The following ZBTB43 variants were observed in gnomAD, a reference collection of about 807,000 sequenced individuals.
ZBTB43 encodes the protein zinc finger and BTB domain containing 43, also known as zinc finger and BTB domain-containing protein 43.
Under a neutral mutation model 31.1 loss-of-function variants are expected in ZBTB43, and 6 were observed. That is an observed-to-expected ratio of 0.19 (90% CI 0.11 to 0.38). The LOEUF (loss-of-function observed/expected upper bound fraction) is 0.38, where lower values mean the gene tolerates loss of function less well. ZBTB43 is among the 10% of genes least tolerant of loss of function. The pLI, the probability that ZBTB43 is intolerant of heterozygous loss-of-function variation, is 1.00. For synonymous variants in ZBTB43, 212 were observed against 221.7 expected, an observed-to-expected ratio of 0.96 and a Z score of 0.39; for missense variants, 379 against 602.1, an observed-to-expected ratio of 0.63 and a Z score of 3.88.
chr9:126,808,121 C>T (rs765081375), intron 1 of ZBTB43, among the ~76,000 whole-genome samples: 7 of 152,134 alleles, frequency 4.6e-5, no homozygotes, highest in Non-Finnish European at 1.0e-4. Flanking sequence ...TTCTAATGCA[C>T]GTGAGGGTAC....
intron 2 of ZBTB43, among the ~76,000 whole-genome samples, chr9:126,826,979 A>T (rs1466121288): frequency 6.6e-6 from 1 of 151,962 alleles, no homozygotes; most frequent in Non-Finnish European, 1.5e-5. Context: ...GTGTGCTTTT[A>T]CTTTCTTGTT....
intron 2 of ZBTB43, among the ~76,000 whole-genome samples, chr9:126,809,779 A>T (rs1478751138): frequency 6.6e-6 from 1 of 152,156 alleles, no homozygotes; most frequent in Admixed American, 6.5e-5. Context: ...TTTGTTTTAG[A>T]ACTGTTGCTA....
At position 126,836,538 on chromosome 9, in the gene ZBTB43, T is replaced by C. The variant is rs186718813; in HGVS notation, c.*2625T>C. 2 of 167,146 alleles carry C rather than the reference T, an allele frequency of 1.2e-5. No homozygotes were observed. Among genetic ancestry groups the C allele is most frequent in the Admixed American group, 1.3e-4 (2 of 15,300 alleles). The allele number at this position is 167,146 out of a possible 1,614,324, so 10.4% of individuals were successfully genotyped here. On this transcript the variant is annotated 3_prime_UTR_variant, in exon 3 of 3. Coordinates refer to ENST00000373464, the MANE Select transcript of ZBTB43 (RefSeq NM_014007.4). ...GTTGCTTTCATTTGAATATTAAAAGTGAATTTTTGTAAACTCTGGTTTTTA... is the reference window on the plus strand; with the variant it reads ...GTTGCTTTCATTTGAATATTAAAAGCGAATTTTTGTAAACTCTGGTTTTTA...
At chr9:126,823,574 C>T (rs891270889) in intron 2 of ZBTB43, among the ~76,000 whole-genome samples, 1 of 152,162 alleles carries the variant, frequency 6.6e-6, no homozygotes, top group Non-Finnish European at 1.5e-5. Flanking sequence ...GTAGATGAGT[C>T]GTTTTTTAAT....
chr9:126,829,357 T>G (rs2032718165), intron 2 of ZBTB43, among the ~76,000 whole-genome samples: 1 of 152,238 alleles, frequency 6.6e-6, no homozygotes, highest in Admixed American at 6.5e-5. Context: ...AAATATCTAT[T>G]GTAGCATTGC....
upstream of ZBTB43, among the ~76,000 whole-genome samples, chr9:126,804,479 T>C (rs1055817944): frequency 8.6e-5 from 13 of 150,750 alleles, no homozygotes; most frequent in African/African-American, 3.2e-4. Flanking sequence ...GTGTTTTTGT[T>C]TGTTTTGTTG....
At chr9:126,810,697 G>T (rs2032228372) in intron 2 of ZBTB43, among the ~76,000 whole-genome samples, 1 of 150,500 alleles carries the variant, frequency 6.6e-6, no homozygotes, top group Non-Finnish European at 1.5e-5. Flanking sequence ...TAGAGAAGGG[G>T]TTTCACCATG....
At chr9:126,814,326 AT>A (rs2032322756) in intron 2 of ZBTB43, among the ~76,000 whole-genome samples, 10 of 149,512 alleles carry the variant, frequency 6.7e-5, no homozygotes, top group African/African-American at 9.9e-5. Context: ...CATCTGTAAA[AT>A]GTAAATTTTA....
intron 2 of ZBTB43, among the ~76,000 whole-genome samples, chr9:126,821,876 T>C (rs1230994282): frequency 1.3e-5 from 2 of 152,184 alleles, no homozygotes; most frequent in African/African-American, 4.8e-5. Flanking sequence ...TTTTTTTTCT[T>C]TTTTTGAGAC....
rs191129628 is a variant in ZBTB43, at chr9:126,817,852, A to G, written c.-24+8937A>G. Among the ~76,000 whole-genome samples, 603 of 152,268 alleles carry G rather than the reference A, an allele frequency of 4.0e-3. 2 individuals carry two copies. Among genetic ancestry groups the G allele is most frequent in the Non-Finnish European group, 6.5e-3 (440 of 68,032 alleles). The stretch of plus-strand genomic sequence containing the variant: ...TAACTGAAACAACAGCTATACTCTC[A>G]GTATAGGTCACAATTGCCTATGAGT... On this transcript the variant is annotated intron_variant, in intron 2 of 2. Coordinates refer to ENST00000373464, the MANE Select transcript of ZBTB43 (RefSeq NM_014007.4).
chr9:126,808,414 G>T (rs1315712016), intron 1 of ZBTB43, among the ~76,000 whole-genome samples: 2 of 152,122 alleles, frequency 1.3e-5, no homozygotes. Context: ...GGAAAAAAAT[G>T]GAAGAATACT....
intron 2 of ZBTB43, among the ~76,000 whole-genome samples, chr9:126,831,219 C>A (rs1332263297): frequency 6.6e-6 from 1 of 152,180 alleles, no homozygotes; most frequent in Non-Finnish European, 1.5e-5. Context: ...CCTTTCAGTT[C>A]CTTGCAATTG....
At chr9:126,814,433 G>T (rs1249410914) in intron 2 of ZBTB43, among the ~76,000 whole-genome samples, 1 of 148,538 alleles carries the variant, frequency 6.7e-6, no homozygotes, top group Non-Finnish European at 1.5e-5. Flanking sequence ...TTGTTTTCAT[G>T]TGACTTTTTT....
chr9:126,823,242 C>T (rs6478756), intron 2 of ZBTB43, among the ~76,000 whole-genome samples: 27,555 of 151,542 alleles, frequency 0.18, 6,712 homozygotes, highest in African/African-American at 0.54. Flanking sequence ...ACTGTCTATT[C>T]CTTCCTTCAA....
At chr9:126,825,847 T>A (rs1014315943) in intron 2 of ZBTB43, among the ~76,000 whole-genome samples, 103 of 144,026 alleles carry the variant, frequency 7.2e-4, no homozygotes, top group African/African-American at 2.1e-3. Context: ...TTTATATTTT[T>A]TTTTTTTTTT....
chr9:126,825,148 C>T (rs2032603164), intron 2 of ZBTB43, among the ~76,000 whole-genome samples: 1 of 151,956 alleles, frequency 6.6e-6, no homozygotes, highest in African/African-American at 2.4e-5. Flanking sequence ...ACTATGTTGC[C>T]CAGGCTGGTC....
chr9:126,824,693 G>C (rs2032594394), intron 2 of ZBTB43, among the ~76,000 whole-genome samples: 1 of 152,140 alleles, frequency 6.6e-6, no homozygotes, highest in Non-Finnish European at 1.5e-5. Context: ...CTTCTCTCTT[G>C]CAGCTTTCAA....
At chr9:126,811,573 A>G (rs940028741) in intron 2 of ZBTB43, among the ~76,000 whole-genome samples, 2 of 152,208 alleles carry the variant, frequency 1.3e-5, no homozygotes, top group African/African-American at 4.8e-5. Flanking sequence ...CTCAGTCATG[A>G]AATTCAAAGT....
chr9:126,825,620 C>T (rs1487000405), intron 2 of ZBTB43, among the ~76,000 whole-genome samples: 1 of 152,022 alleles, frequency 6.6e-6, no homozygotes, highest in African/African-American at 2.4e-5. Context: ...CAAATCTCAC[C>T]TTATAGGGAC....
Sources: gnomAD v4.1 joint callset for allele counts (sites outside exome capture counted in the v4.1 genomes callset) on GRCh38, gnomAD v4.1.1 for gene constraint, MANE v1.5 for transcripts, NCBI Gene and HGNC (gene_info 2026-07-23, HGNC 2026-07-21) for gene names.